PARD3: variants seen among roughly 807,000 people sequenced by gnomAD.
PARD3 encodes partitioning defective 3 homolog.
Under a neutral mutation model 155.4 loss-of-function variants are expected in PARD3, and 75 were observed. The observed-to-expected ratio is 0.48, with a 90% CI of 0.40 to 0.58. The LOEUF is 0.58. Among genes scored for constraint, PARD3 ranks in the 20% least tolerant of loss-of-function variants. The probability of loss-of-function intolerance (pLI) is 0.00; values close to 1 mark genes in which losing one functional copy is unlikely to be tolerated. For synonymous variants in PARD3, 576 were observed against 610.5 expected (o/e 0.94, Z 0.83); for missense variants, 1,642 against 1,721.7 (o/e 0.95, Z 0.82).
intron 3 of PARD3, among the ~76,000 whole-genome samples, chr10:34,476,418 GTGAACAACACAAAATCGC>G (rs1032640594): frequency 1.3e-5 from 2 of 152,062 alleles, no homozygotes; most frequent in African/African-American, 4.8e-5. Context: ...TGTCAACTCG[GTGAACAACACAAAATCGC>G]GTTTCATAAT....
chr10:34,569,401 T>G (rs1295955500), intron 2 of PARD3, among the ~76,000 whole-genome samples: 1 of 152,150 alleles, frequency 6.6e-6, no homozygotes, highest in East Asian at 1.9e-4. Flanking sequence ...AATATAACAC[T>G]GTGTTACACG....
intron 22 of PARD3, among the ~76,000 whole-genome samples, chr10:34,261,626 C>A (rs575494738): frequency 1.3e-5 from 2 of 151,674 alleles, no homozygotes; most frequent in East Asian, 3.9e-4. Flanking sequence ...GAGGCTGAGG[C>A]TGCAGTGAGC....
intron 2 of PARD3, among the ~76,000 whole-genome samples, chr10:34,576,827 G>GTA (rs1444426590): frequency 6.6e-6 from 1 of 152,194 alleles, no homozygotes; most frequent in Non-Finnish European, 1.5e-5. Context: ...ACATGTCACT[G>GTA]TATAGCTTCT....
At chr10:34,162,389 A>G (rs1949327414) in intron 22 of PARD3, among the ~76,000 whole-genome samples, 1 of 152,170 alleles carries the variant, frequency 6.6e-6, no homozygotes, top group Non-Finnish European at 1.5e-5. Flanking sequence ...AATAAATTCT[A>G]TTCCACTCAC....
chr10:34,401,934 C>G lies in PARD3; in HGVS notation c.715-17G>C. The G allele has an allele frequency of 6.3e-7, 1 of 1,589,596 alleles. No homozygotes were observed. On this transcript the variant is annotated splice_polypyrimidine_tract_variant and intron_variant, in intron 5 of 24. Transcript: ENST00000374788. Reference sequence around the variant, plus strand: ...ATCCTCATCCTAGAGGCAGCCAACACAAAGAAAAGTACACTCTGTGTTAGG... The same window carrying G: ...ATCCTCATCCTAGAGGCAGCCAACAGAAAGAAAAGTACACTCTGTGTTAGG...
At chr10:34,762,413 C>G (rs1027880811) in intron 1 of PARD3, among the ~76,000 whole-genome samples, 29 of 151,750 alleles carry the variant, frequency 1.9e-4, no homozygotes, top group Non-Finnish European at 3.8e-4. Context: ...CCCACCTCAG[C>G]CTTCCTCCCA....
At chr10:34,131,178 C>T (rs953561588) in intron 23 of PARD3, among the ~76,000 whole-genome samples, 15 of 152,122 alleles carry the variant, frequency 9.9e-5, no homozygotes, top group African/African-American at 3.6e-4. Context: ...AAAATATTTA[C>T]TAAATTTAAA....
intron 3 of PARD3, among the ~76,000 whole-genome samples, chr10:34,491,178 C>T (rs1282578506): frequency 6.6e-6 from 1 of 152,188 alleles, no homozygotes; most frequent in East Asian, 1.9e-4. Flanking sequence ...AAGGGCTCTA[C>T]AGCTTCATGG....
chr10:34,364,467 T>C (rs1839770066), intron 12 of PARD3, among the ~76,000 whole-genome samples: 1 of 151,998 alleles, frequency 6.6e-6, no homozygotes. Context: ...TCTTGCTCTG[T>C]CATCCAGGCT....
chr10:34,593,401 A>G (rs961007819), intron 2 of PARD3, among the ~76,000 whole-genome samples: 2 of 152,224 alleles, frequency 1.3e-5, no homozygotes, highest in African/African-American at 4.8e-5. Flanking sequence ...TATAAGTTCC[A>G]TGACAGACAC....
At chr10:34,653,640 C>A (rs1302472336) in intron 2 of PARD3, among the ~76,000 whole-genome samples, 5 of 151,886 alleles carry the variant, frequency 3.3e-5, no homozygotes, top group African/African-American at 1.2e-4. Context: ...TTTGAAACTG[C>A]CAGGTGTGGT....
intron 10 of PARD3, among the ~76,000 whole-genome samples, chr10:34,377,686 A>G (rs1363608566): frequency 1.3e-5 from 2 of 152,170 alleles, no homozygotes; most frequent in Non-Finnish European, 2.9e-5. Flanking sequence ...TAATCCCAGC[A>G]CACTGGGAGG....
chr10:34,552,714 CAA>C lies in PARD3; in HGVS notation c.223-35557_223-35556del, dbSNP rs10709334. ...GGGCAACAAGAACAAAACTCCATCT[CAA>C]AAAAAAAAAAAAATCTAAATTTACT... On this transcript the variant is annotated intron_variant, in intron 2 of 24. Transcript: ENST00000374788. 2.6e-3 allele frequency among the ~76,000 whole-genome samples: 366 copies of C among 140,678 alleles called. 2 individuals are homozygous for C. The highest frequency in any genetic ancestry group is 6.8e-3 in the African/African-American group (265 of 39,106). The allele number at this position is 140,678 out of a possible 152,430, so 92.3% of individuals were successfully genotyped here. A position where few individuals can be genotyped will look rare whatever the true frequency, so the allele number is the denominator to read the frequency against.
At chr10:34,623,574 A>G (rs982549876) in intron 2 of PARD3, among the ~76,000 whole-genome samples, 1 of 152,206 alleles carries the variant, frequency 6.6e-6, no homozygotes, top group Non-Finnish European at 1.5e-5. Flanking sequence ...ATAGTTAACC[A>G]AGAAGAGTTG....
intron 2 of PARD3, among the ~76,000 whole-genome samples, chr10:34,671,172 A>G (rs2093604101): frequency 6.6e-6 from 1 of 152,252 alleles, no homozygotes; most frequent in Admixed American, 6.5e-5. Flanking sequence ...TTGCTGTGGG[A>G]CTTTGCCTGT....
intron 2 of PARD3, among the ~76,000 whole-genome samples, chr10:34,667,395 G>C (rs1470492820): frequency 1.3e-5 from 2 of 152,200 alleles, no homozygotes; most frequent in Non-Finnish European, 2.9e-5. Flanking sequence ...ATCTGTCAAT[G>C]TCTAAAGCAT....
intron 6 of PARD3, among the ~76,000 whole-genome samples, chr10:34,399,741 T>G (rs987787772): frequency 6.6e-6 from 1 of 152,130 alleles, no homozygotes; most frequent in African/African-American, 2.4e-5. Flanking sequence ...GTTTATGTCT[T>G]TCAAGTAAAA....
At chr10:34,127,086 T>C (rs1333879356) in intron 23 of PARD3, among the ~76,000 whole-genome samples, 5 of 152,224 alleles carry the variant, frequency 3.3e-5, no homozygotes, top group African/African-American at 4.8e-5. Flanking sequence ...GTAGATAACA[T>C]AGAAATGCAT....
chr10:34,742,017 T>C (rs982684495), intron 1 of PARD3, among the ~76,000 whole-genome samples: 12 of 152,172 alleles, frequency 7.9e-5, no homozygotes, highest in Admixed American at 6.5e-4. Flanking sequence ...TCCCATCCCA[T>C]TGCCTGGCAC....
Sources: allele counts gnomAD v4.1 joint callset (sites outside exome capture counted in the v4.1 genomes callset), GRCh38; gene constraint gnomAD v4.1.1; transcripts MANE v1.5; gene names NCBI Gene and HGNC (gene_info 2026-07-23, HGNC 2026-07-21).